The following FHIT variants were observed in gnomAD, a reference collection of about 807,000 sequenced individuals.
FHIT encodes fragile histidine triad diadenosine triphosphatase, also known as bis(5'-adenosyl)-triphosphatase.
FHIT carries 19 observed loss-of-function variants against 17.9 expected under a neutral mutation model. The observed-to-expected ratio is 1.06, with a 90% CI of 0.74 to 1.56. The LOEUF (loss-of-function observed/expected upper bound fraction) is 1.56. Ranked by LOEUF, FHIT falls within the 40% of genes most tolerant of loss-of-function variation. The pLI is 0.00. For synonymous variants in FHIT, 81 were observed against 69.7 expected (o/e 1.16, Z -0.81); for missense variants, 248 against 189.2 (o/e 1.31, Z -1.82).
intron 5 of FHIT, among the ~76,000 whole-genome samples, chr3:60,256,557 G>A (rs937104398): frequency 6.6e-6 from 1 of 152,160 alleles, no homozygotes; most frequent in Non-Finnish European, 1.5e-5. Context: ...GCTAAGAGAG[G>A]ACAGGTAACT....
chr3:60,700,919 C>T (rs1419423903), intron 4 of FHIT, among the ~76,000 whole-genome samples: 1 of 152,060 alleles, frequency 6.6e-6, no homozygotes, highest in Non-Finnish European at 1.5e-5. Flanking sequence ...TGGTATATAA[C>T]TGTATGTCAT....
chr3:59,927,686 T>G (rs922393712), intron 7 of FHIT, among the ~76,000 whole-genome samples: 1 of 152,078 alleles, frequency 6.6e-6, no homozygotes, highest in African/African-American at 2.4e-5. Flanking sequence ...GGAGAATCGC[T>G]TGAACCCGGG....
At chr3:59,892,180 C>T (rs1290536808) in intron 8 of FHIT, among the ~76,000 whole-genome samples, 1 of 152,156 alleles carries the variant, frequency 6.6e-6, no homozygotes, top group Non-Finnish European at 1.5e-5. Context: ...ATTTTTACAT[C>T]ATCGGGAGGG....
chr3:61,150,220 A>C (rs2037346638), intron 2 of FHIT, among the ~76,000 whole-genome samples: 1 of 152,212 alleles, frequency 6.6e-6, no homozygotes, highest in South Asian at 2.1e-4. Flanking sequence ...ATGTGAAGGA[A>C]GATACAGAGC....
intron 4 of FHIT, among the ~76,000 whole-genome samples, chr3:60,747,461 A>C (rs1233839846): frequency 6.6e-6 from 1 of 152,236 alleles, no homozygotes; most frequent in Non-Finnish European, 1.5e-5. Flanking sequence ...ACCATGAAAC[A>C]CAAAATGCCC....
At chr3:60,068,300 C>A (rs533094639) in intron 5 of FHIT, among the ~76,000 whole-genome samples, 1 of 152,240 alleles carries the variant, frequency 6.6e-6, no homozygotes, top group Admixed American at 6.5e-5. Context: ...TATTTCCAAG[C>A]TGAAAATGTT....
At chr3:59,762,223 G>A (rs955379743) in intron 8 of FHIT, among the ~76,000 whole-genome samples, 1 of 152,112 alleles carries the variant, frequency 6.6e-6, no homozygotes, top group Non-Finnish European at 1.5e-5. Flanking sequence ...TGCTCAGAAC[G>A]TTGTACAATG....
chr3:61,009,064 G>C (rs1489764193), intron 3 of FHIT, among the ~76,000 whole-genome samples: 3 of 152,070 alleles, frequency 2.0e-5, no homozygotes, highest in Admixed American at 6.5e-5. Flanking sequence ...TCTTCCCTCA[G>C]CAATTTTACT....
rs145326203 is a variant in FHIT at position 60,112,839 on chromosome 3, A to C, written c.104-98687T>G. On this transcript the variant is annotated intron_variant, in intron 5 of 9. Transcript: ENST00000492590. ...AGCCTTTGATATGTTCTAACAGTAGAGAAGAAAAAAATCTCTTTCCTGGCT... is the reference window on the plus strand; with the variant it reads ...AGCCTTTGATATGTTCTAACAGTAGCGAAGAAAAAAATCTCTTTCCTGGCT... Among the ~76,000 whole-genome samples the C allele has an allele frequency of 6.0e-4, 92 of 152,294 alleles. 1 individual carries two copies. The highest frequency in any genetic ancestry group is 2.1e-3 in the African/African-American group (88 of 41,570).
At chr3:60,161,743 A>G (rs755603618) in intron 5 of FHIT, among the ~76,000 whole-genome samples, 18 of 152,106 alleles carry the variant, frequency 1.2e-4, no homozygotes, top group African/African-American at 3.6e-4. Context: ...GTGTGCCTCT[A>G]TGTCTACTAC....
At chr3:61,163,307 G>A (rs7636682) in intron 2 of FHIT, among the ~76,000 whole-genome samples, 69,734 of 152,014 alleles carry the variant, frequency 0.46, 16,881 homozygotes, top group East Asian at 0.87. Context: ...ACATTTATCT[G>A]TCTGGATTTT....
chr3:60,632,414 G>A (rs1401073406), intron 4 of FHIT, among the ~76,000 whole-genome samples: 4 of 152,090 alleles, frequency 2.6e-5, no homozygotes, highest in South Asian at 2.1e-4. Flanking sequence ...CGTTACCAAG[G>A]GGCTCCATGT....
intron 2 of FHIT, among the ~76,000 whole-genome samples, chr3:61,111,055 A>C (rs559891284): frequency 1.3e-5 from 2 of 152,354 alleles, no homozygotes; most frequent in South Asian, 4.1e-4. Flanking sequence ...AATTTATTAA[A>C]ATGCAGCTAT....
intron 4 of FHIT, among the ~76,000 whole-genome samples, chr3:60,600,968 C>T (rs1390732356): frequency 6.6e-6 from 1 of 152,106 alleles, no homozygotes; most frequent in Non-Finnish European, 1.5e-5. Flanking sequence ...GCTCCCCTTC[C>T]GGGCCCCTCA....
chr3:61,233,120 T>A (rs1393090539), intron 1 of FHIT, among the ~76,000 whole-genome samples: 1 of 152,182 alleles, frequency 6.6e-6, no homozygotes, highest in Non-Finnish European at 1.5e-5. Flanking sequence ...TTGCTGGTGT[T>A]AGTCACACAT....
intron 7 of FHIT, among the ~76,000 whole-genome samples, chr3:59,933,491 C>T (rs1326438880): frequency 6.6e-6 from 1 of 151,978 alleles, no homozygotes; most frequent in Non-Finnish European, 1.5e-5. Context: ...TCAGTAAGCA[C>T]ACTGATGCTT....
At chr3:60,992,458 G>T (rs1053104228) in intron 3 of FHIT, among the ~76,000 whole-genome samples, 1 of 152,138 alleles carries the variant, frequency 6.6e-6, no homozygotes, top group African/African-American at 2.4e-5. Context: ...ATAAACAAAT[G>T]GTGACTGCTC....
At chr3:59,970,230 A>C (rs1195409721) in intron 7 of FHIT, among the ~76,000 whole-genome samples, 2 of 152,174 alleles carry the variant, frequency 1.3e-5, no homozygotes, top group East Asian at 3.9e-4. Flanking sequence ...CTTTAAAAGA[A>C]TTTAGGTCTT....
chr3:60,765,453 G>A (rs1353897067), intron 4 of FHIT: 3 of 152,136 alleles, frequency 2.0e-5, no homozygotes, highest in Non-Finnish European at 4.4e-5. Context: ...CACGAGTGTT[G>A]ACTGGGGAAT....
Sources: allele counts gnomAD v4.1 joint callset (sites outside exome capture counted in the v4.1 genomes callset), GRCh38; gene constraint gnomAD v4.1.1; transcripts MANE v1.5; gene names NCBI Gene and HGNC (gene_info 2026-07-23, HGNC 2026-07-21).